The following KCNAB1 variants were observed in gnomAD, a reference collection of about 807,000 sequenced individuals.
The protein encoded by KCNAB1 is potassium voltage-gated channel subfamily A regulatory beta subunit 1.
A neutral mutation model predicts 64.6 loss-of-function variants in KCNAB1; 35 were observed. The ratio of observed to expected loss-of-function variants is 0.54; its 90% CI spans 0.41 to 0.72. The LOEUF (loss-of-function observed/expected upper bound fraction) is 0.72. Ranked by LOEUF, KCNAB1 falls within the 30% of genes least tolerant of loss-of-function variation. KCNAB1 has a pLI of 0.00. For synonymous variants in KCNAB1, 177 were observed against 183.8 expected (o/e 0.96, Z 0.30); for missense variants, 401 against 512.9 (o/e 0.78, Z 2.11).
At chr3:156,430,353 C>T (rs1716121399) in intron 2 of KCNAB1, among the ~76,000 whole-genome samples, 1 of 152,184 alleles carries the variant, frequency 6.6e-6, no homozygotes. Context: ...TGCATGCACG[C>T]ACACACCTCA....
chr3:156,357,523 T>C (rs1175469634), intron 1 of KCNAB1, among the ~76,000 whole-genome samples: 1 of 152,188 alleles, frequency 6.6e-6, no homozygotes, highest in Non-Finnish European at 1.5e-5. Flanking sequence ...CCAGAGCCTA[T>C]CTAATGCTTG....
At chr3:156,494,110 G>T (rs1412328987) in intron 8 of KCNAB1, among the ~76,000 whole-genome samples, 2 of 152,120 alleles carry the variant, frequency 1.3e-5, no homozygotes, top group African/African-American at 4.8e-5. Context: ...GCACTGTTGT[G>T]CTTGCCAAGG....
chr3:156,286,715 T>A (rs896984384), intron 1 of KCNAB1, among the ~76,000 whole-genome samples: 2 of 152,238 alleles, frequency 1.3e-5, no homozygotes, highest in Non-Finnish European at 2.9e-5. Context: ...GGAAATTATT[T>A]CTATCACTTA....
At chr3:156,345,031 A>G (rs973745596) in intron 1 of KCNAB1, among the ~76,000 whole-genome samples, 3 of 152,236 alleles carry the variant, frequency 2.0e-5, no homozygotes, top group Admixed American at 6.5e-5. Flanking sequence ...TCATATAAAC[A>G]GATAAGTAGC....
chr3:156,498,164 A>G (rs931369405), intron 8 of KCNAB1, among the ~76,000 whole-genome samples: 2 of 152,222 alleles, frequency 1.3e-5, no homozygotes, highest in African/African-American at 2.4e-5. Context: ...GTGCCCCCAA[A>G]GAAACCAGCA....
At chr3:156,281,515 G>A (rs1719714375) in intron 1 of KCNAB1, among the ~76,000 whole-genome samples, 1 of 151,962 alleles carries the variant, frequency 6.6e-6, no homozygotes, top group Non-Finnish European at 1.5e-5. Context: ...TTTTTCTATT[G>A]ATTGGAATAG....
At chr3:156,191,855 G>A (rs1037815705) in intron 1 of KCNAB1, among the ~76,000 whole-genome samples, 1 of 152,196 alleles carries the variant, frequency 6.6e-6, no homozygotes, top group Non-Finnish European at 1.5e-5. Flanking sequence ...CCCAGGTGAT[G>A]CCCAAGGCAA....
At chr3:156,173,127 G>A (rs1712118708) in intron 1 of KCNAB1, among the ~76,000 whole-genome samples, 1 of 152,212 alleles carries the variant, frequency 6.6e-6, no homozygotes, top group African/African-American at 2.4e-5. Flanking sequence ...GATGCCTCAA[G>A]TCACTGCGGT....
At chr3:156,465,202 A>G (rs994754157) in intron 6 of KCNAB1, among the ~76,000 whole-genome samples, 2 of 152,192 alleles carry the variant, frequency 1.3e-5, no homozygotes, top group Admixed American at 1.3e-4. Context: ...TTTATTTTGG[A>G]AGTCAAAAGG....
chr3:156,292,981 A>G (rs1720543174), intron 1 of KCNAB1, among the ~76,000 whole-genome samples: 1 of 152,260 alleles, frequency 6.6e-6, no homozygotes. Context: ...TTGAAATTAA[A>G]TGTAGACCTT....
intron 1 of KCNAB1, among the ~76,000 whole-genome samples, chr3:156,365,530 T>C (rs1725894580): frequency 6.6e-6 from 1 of 152,200 alleles, no homozygotes; most frequent in Non-Finnish European, 1.5e-5. Context: ...GTGTTTGCTC[T>C]TATACACCAG....
At chr3:156,336,871 A>G (rs906879799) in intron 1 of KCNAB1, among the ~76,000 whole-genome samples, 3 of 152,236 alleles carry the variant, frequency 2.0e-5, no homozygotes, top group Admixed American at 6.5e-5. Flanking sequence ...TCCAAAGACT[A>G]CAATCCCAAA....
chr3:156,129,975 T>C (rs1713897251), intron 1 of KCNAB1, among the ~76,000 whole-genome samples: 2 of 152,230 alleles, frequency 1.3e-5, no homozygotes, highest in South Asian at 4.1e-4. Context: ...CCATGCACAG[T>C]GGATCCATCT....
chr3:156,186,808 C>T (rs1034247329), intron 1 of KCNAB1, among the ~76,000 whole-genome samples: 10 of 151,704 alleles, frequency 6.6e-5, no homozygotes, highest in African/African-American at 1.9e-4. Context: ...TACTCCTCTC[C>T]TGACTTTTAG....
chr3:156,350,499 C>G (rs1724785626), intron 1 of KCNAB1, among the ~76,000 whole-genome samples: 1 of 144,636 alleles, frequency 6.9e-6, no homozygotes, highest in Non-Finnish European at 1.5e-5. Flanking sequence ...AGAGTGAGAC[C>G]CTGTCTCAAA....
chr3:156,123,737 G>A (rs548057037), intron 1 of KCNAB1, among the ~76,000 whole-genome samples: 1 of 152,290 alleles, frequency 6.6e-6, no homozygotes, highest in Non-Finnish European at 1.5e-5. Flanking sequence ...GGAGGATGGG[G>A]CAGGGGCCAG....
intron 2 of KCNAB1, among the ~76,000 whole-genome samples, chr3:156,431,647 G>C (rs1265016038): frequency 6.6e-6 from 1 of 152,232 alleles, no homozygotes; most frequent in Non-Finnish European, 1.5e-5. Flanking sequence ...CAGGCGTATT[G>C]AGTATGAATG....
At position 156,536,872 on chromosome 3, in the gene KCNAB1, C is replaced by CT. The variant is rs913118638; in HGVS notation, c.*126dup. On this transcript the variant is annotated 3_prime_UTR_variant, in exon 14 of 14. Transcript: ENST00000490337. ...GCTGCTCAACCTCTAGTGTCCCTCC[C>CT]TGGATTCTTTGAGGTGTCTGCTGTC... is the stretch of plus-strand genomic sequence containing the variant. 1.5e-6 allele frequency: 1 copy of CT among 686,086 alleles called. No homozygotes were observed. Among genetic ancestry groups the CT allele is most frequent in the African/African-American group, 1.8e-5 (1 of 56,320 alleles). The allele number at this position is 686,086 out of a possible 1,614,324, so 42.5% of individuals were successfully genotyped here.
chr3:156,245,679 C>T (rs575813355), intron 1 of KCNAB1, among the ~76,000 whole-genome samples: 6 of 152,216 alleles, frequency 3.9e-5, no homozygotes, highest in South Asian at 4.1e-4. Flanking sequence ...TGACTGGAAA[C>T]GTAACGAAAA....
Sources: allele counts gnomAD v4.1 joint callset (sites outside exome capture counted in the v4.1 genomes callset), GRCh38; gene constraint gnomAD v4.1.1; transcripts MANE v1.5; gene names NCBI Gene and HGNC (gene_info 2026-07-23, HGNC 2026-07-21).